PRKD1: variants seen among roughly 807,000 people sequenced by gnomAD.
PRKD1 encodes serine/threonine-protein kinase D1.
A neutral mutation model predicts 95.9 loss-of-function variants in PRKD1; 63 were observed. The observed-to-expected ratio is 0.66, with a 90% confidence interval of 0.54 to 0.81. PRKD1 has a LOEUF of 0.81. Among genes scored for constraint, PRKD1 ranks in the 30% least tolerant of loss-of-function variants. The probability of loss-of-function intolerance (pLI) is 0.00; values close to 1 mark genes in which losing one functional copy is unlikely to be tolerated. For missense variants in PRKD1, 1,048 were observed against 1,165.3 expected (o/e 0.90, Z 1.47); for synonymous variants, 425 against 423.1 (o/e 1.00, Z -0.05).
At chr14:29,873,963 T>A (rs773725059) in intron 1 of PRKD1, among the ~76,000 whole-genome samples, 4 of 152,182 alleles carry the variant, frequency 2.6e-5, no homozygotes, top group Non-Finnish European at 5.9e-5. Context: ...GAAAAACTCT[T>A]CATTCACAGA....
chr14:29,632,985 T>G, intron 8 of PRKD1, 39 bp from the exon 9 acceptor site: 1 of 1,528,330 alleles, frequency 6.5e-7, no homozygotes, highest in Non-Finnish European at 9.1e-7. Context: ...TTTAAAAAAC[T>G]TTAAAAATAT....
rs1251402284 is a variant in PRKD1 at position 29,577,050 on chromosome 14, G to C, written c.*188C>G. On this transcript the variant is annotated 3_prime_UTR_variant, in exon 18 of 18. Coordinates refer to ENST00000331968, the MANE Select transcript of PRKD1 (RefSeq NM_002742.3). Reference sequence around the variant, plus strand: ...GAACTTTTGTTAATACAACACAGTTGGTCACACAAAATACAAATGCTTCTG... The same window carrying C: ...GAACTTTTGTTAATACAACACAGTTCGTCACACAAAATACAAATGCTTCTG... 6 of 639,584 alleles carry C rather than the reference G, an allele frequency of 9.4e-6. No homozygotes were observed. Among genetic ancestry groups the C allele is most frequent in the Non-Finnish European group, 1.3e-5 (5 of 373,374 alleles). 39.6% of individuals were successfully genotyped at this position (639,584 alleles called of 1,614,324 possible).
At chr14:29,680,206 C>CATGTAACAT (rs1239039565) in intron 2 of PRKD1, among the ~76,000 whole-genome samples, 1 of 152,104 alleles carries the variant, frequency 6.6e-6, no homozygotes, top group East Asian at 1.9e-4. Context: ...TAAAAGAGCA[C>CATGTAACAT]ATGTAACATG....
chr14:29,748,820 T>G (rs888583289), intron 1 of PRKD1, among the ~76,000 whole-genome samples: 8 of 152,234 alleles, frequency 5.3e-5, no homozygotes, highest in African/African-American at 1.9e-4. Context: ...AGCCAGTACC[T>G]ATCACATATT....
intron 4 of PRKD1, among the ~76,000 whole-genome samples, chr14:29,639,464 C>G (rs1307745338): frequency 6.6e-6 from 1 of 151,830 alleles, no homozygotes; most frequent in Non-Finnish European, 1.5e-5. Flanking sequence ...ACTAAAAATA[C>G]AAAAATTAGC....
intron 1 of PRKD1, among the ~76,000 whole-genome samples, chr14:29,864,981 G>C (rs190239763): frequency 6.6e-6 from 1 of 152,154 alleles, no homozygotes; most frequent in Admixed American, 6.6e-5. Context: ...GAGAAATCAG[G>C]GTAGTATCCT....
At chr14:29,590,873 G>A (rs1893103023) in intron 16 of PRKD1, among the ~76,000 whole-genome samples, 1 of 152,048 alleles carries the variant, frequency 6.6e-6, no homozygotes, top group Admixed American at 6.6e-5. Context: ...CTGCCTCCTG[G>A]GTTCAAGCAA....
intron 1 of PRKD1, among the ~76,000 whole-genome samples, chr14:29,727,552 A>G (rs1300181061): frequency 6.6e-6 from 1 of 151,134 alleles, no homozygotes; most frequent in Non-Finnish European, 1.5e-5. Context: ...TCTTTAATCC[A>G]TCTTGAATTG....
chr14:29,593,249 ATC>A (rs1373865590), intron 16 of PRKD1, among the ~76,000 whole-genome samples: 1 of 152,176 alleles, frequency 6.6e-6, no homozygotes, highest in Non-Finnish European at 1.5e-5. Context: ...TAATTTTACT[ATC>A]TCCATTTTAC....
intron 2 of PRKD1, 65 bp downstream of exon 2, chr14:29,725,471 G>A: frequency 6.4e-7 from 1 of 1,551,656 alleles, no homozygotes; most frequent in Non-Finnish European, 8.8e-7. Flanking sequence ...AAAAACATAT[G>A]CCCAAGAATT....
chr14:29,664,089 T>C (rs1882345965), intron 3 of PRKD1, among the ~76,000 whole-genome samples: 1 of 152,200 alleles, frequency 6.6e-6, no homozygotes, highest in African/African-American at 2.4e-5. Flanking sequence ...GGTATCATTT[T>C]TAAAAATGTT....
At chr14:29,620,900 A>G (rs1463223878) in intron 13 of PRKD1, among the ~76,000 whole-genome samples, 4 of 151,944 alleles carry the variant, frequency 2.6e-5, no homozygotes, top group Non-Finnish European at 5.9e-5. Context: ...GGCACTATTC[A>G]CAATAGCAAA....
intron 2 of PRKD1, among the ~76,000 whole-genome samples, chr14:29,678,776 G>T (rs993289469): frequency 2.6e-5 from 4 of 152,098 alleles, no homozygotes; most frequent in Admixed American, 6.5e-5. Context: ...ATAAAAAAAT[G>T]CATTTTAACA....
intron 1 of PRKD1, among the ~76,000 whole-genome samples, chr14:29,832,373 T>A (rs1028994142): frequency 2.6e-5 from 4 of 152,242 alleles, no homozygotes; most frequent in African/African-American, 9.6e-5. Flanking sequence ...TAGTTTATCA[T>A]GCATGCATTT....
intron 1 of PRKD1, among the ~76,000 whole-genome samples, chr14:29,856,469 G>T (rs148257173): frequency 2.0e-3 from 301 of 152,216 alleles, no homozygotes; most frequent in African/African-American, 6.7e-3. Flanking sequence ...TTTTATAGGG[G>T]ATAAAAGTAA....
intron 1 of PRKD1, among the ~76,000 whole-genome samples, chr14:29,739,060 TC>T (rs1469887327): frequency 1.3e-5 from 2 of 152,110 alleles, no homozygotes; most frequent in African/African-American, 4.8e-5. Flanking sequence ...GATCTTAAAC[TC>T]CTTGCTTCAA....
intron 2 of PRKD1, among the ~76,000 whole-genome samples, chr14:29,673,416 G>A (rs1882979733): frequency 6.6e-6 from 1 of 152,122 alleles, no homozygotes; most frequent in African/African-American, 2.4e-5. Flanking sequence ...TACTTCTCAG[G>A]CAGCCAGGTT....
chr14:29,642,294 AGTT>A (rs1880835788), intron 4 of PRKD1, among the ~76,000 whole-genome samples: 1 of 152,248 alleles, frequency 6.6e-6, no homozygotes, highest in African/African-American at 2.4e-5. Flanking sequence ...ATTAATAATC[AGTT>A]GTTATTTTAA....
chr14:29,897,894 T>C (rs2139424757), intron 1 of PRKD1, among the ~76,000 whole-genome samples: 1 of 152,250 alleles, frequency 6.6e-6, no homozygotes, highest in East Asian at 1.9e-4. Context: ...GGAGTTAACA[T>C]TTTCTTACCT....
Sources: allele counts gnomAD v4.1 joint callset (sites outside exome capture counted in the v4.1 genomes callset), GRCh38; gene constraint gnomAD v4.1.1; transcripts MANE v1.5; gene names NCBI Gene and HGNC (gene_info 2026-07-23, HGNC 2026-07-21).